TIAM1: variants seen among roughly 807,000 people sequenced by gnomAD.
TIAM1 encodes TIAM Rac1 associated GEF 1, also known as rho guanine nucleotide exchange factor TIAM1.
A neutral mutation model predicts 163.5 loss-of-function variants in TIAM1; 65 were observed. The observed-to-expected ratio is 0.40, with a 90% CI of 0.33 to 0.49. TIAM1 has a LOEUF of 0.49. Among genes scored for constraint, TIAM1 ranks in the 20% least tolerant of loss-of-function variants. The probability of loss-of-function intolerance (pLI) is 0.77; values close to 1 mark genes in which losing one functional copy is unlikely to be tolerated. For synonymous variants in TIAM1, 833 were observed against 810.1 expected, an observed-to-expected ratio of 1.03 and a Z score of -0.48; for missense variants, 1,789 against 2,044.7, an observed-to-expected ratio of 0.87 and a Z score of 2.41.
At chr21:31,414,685 G>A (rs887871326) in intron 2 of TIAM1, among the ~76,000 whole-genome samples, 1 of 152,204 alleles carries the variant, frequency 6.6e-6, no homozygotes, top group Admixed American at 6.5e-5. Flanking sequence ...ACAGGTGTCT[G>A]GGCAGTTGGA....
chr21:31,438,774 G>C (rs1246960772), intron 2 of TIAM1, among the ~76,000 whole-genome samples: 2 of 152,108 alleles, frequency 1.3e-5, no homozygotes, highest in African/African-American at 2.4e-5. Flanking sequence ...CACAGGGAAA[G>C]AGAGAAGTTC....
chr21:31,343,647 A>T (rs2076083766), intron 1 of TIAM1, among the ~76,000 whole-genome samples: 1 of 152,052 alleles, frequency 6.6e-6, no homozygotes, highest in Non-Finnish European at 1.5e-5. Flanking sequence ...GCTTCTGAAT[A>T]TTCCTTCGGA....
intron 1 of TIAM1, among the ~76,000 whole-genome samples, chr21:31,523,078 C>G (rs1389595084): frequency 1.3e-5 from 2 of 152,250 alleles, no homozygotes; most frequent in Non-Finnish European, 2.9e-5. Context: ...AGTAACTCCT[C>G]TGCAAAGCAA....
intron 2 of TIAM1, among the ~76,000 whole-genome samples, chr21:31,378,670 C>T (rs1408772518): frequency 6.6e-6 from 1 of 152,174 alleles, no homozygotes; most frequent in Non-Finnish European, 1.5e-5. Context: ...CACTCATACT[C>T]GCTGCCACAC....
chr21:31,200,274 T>C (rs140940060), intron 12 of TIAM1, among the ~76,000 whole-genome samples: 2,170 of 152,016 alleles, frequency 0.014, 54 homozygotes, highest in African/African-American at 0.048. Context: ...GAGGCAGAGG[T>C]TGCAGTGAGC....
chr21:31,486,463 G>A (rs13051866), intron 1 of TIAM1, among the ~76,000 whole-genome samples: 14,216 of 152,332 alleles, frequency 0.093, 909 homozygotes, highest in East Asian at 0.14. Flanking sequence ...GGGTGCGTCA[G>A]CACCTCCACC....
At chr21:31,461,090 G>A (rs1311180156) in intron 2 of TIAM1, among the ~76,000 whole-genome samples, 3 of 152,068 alleles carry the variant, frequency 2.0e-5, no homozygotes, top group East Asian at 1.9e-4. Flanking sequence ...GGGAACTCCC[G>A]ACCAAACACA....
intron 2 of TIAM1, among the ~76,000 whole-genome samples, chr21:31,373,456 A>G (rs996244422): frequency 1.3e-5 from 2 of 152,186 alleles, no homozygotes; most frequent in Non-Finnish European, 2.9e-5. Flanking sequence ...TGGTGGTGGC[A>G]AGAGAAAAAT....
chr21:31,411,020 G>T (rs2077349239), intron 2 of TIAM1, among the ~76,000 whole-genome samples: 1 of 152,134 alleles, frequency 6.6e-6, no homozygotes, highest in African/African-American at 2.4e-5. Context: ...GGGTGAGTGG[G>T]CTCCTGACAT....
At chr21:31,480,216 C>T (rs2046067894) in intron 1 of TIAM1, among the ~76,000 whole-genome samples, 1 of 152,208 alleles carries the variant, frequency 6.6e-6, no homozygotes, top group African/African-American at 2.4e-5. Context: ...CATTGGGTAG[C>T]TTAAGCTTTT....
At chr21:31,352,123 T>C (rs931837079) in intron 2 of TIAM1, among the ~76,000 whole-genome samples, 2 of 151,856 alleles carry the variant, frequency 1.3e-5, no homozygotes, top group African/African-American at 4.8e-5. Context: ...TCATTTTCAC[T>C]TGTCTGTGAA....
In TIAM1 at chr21:31,149,621, G is replaced by A. The variant is rs553045498; in HGVS notation, c.3367-2618C>T. 2.0e-4 allele frequency among the ~76,000 whole-genome samples: 31 copies of A among 152,216 alleles called. No individual in the cohort carries two copies. In the South Asian group the frequency reaches 6.2e-3, roughly 31 times the overall value. On this transcript the variant is annotated intron_variant, in intron 19 of 27. Coordinates refer to ENST00000541036, the MANE Select transcript of TIAM1 (RefSeq NM_001353694.2). Reference sequence around the variant, plus strand: ...GAACCAGCCCCACAGCAAAAGACTTGTAAATGAATATAATGAATGTTAGCT... The same window carrying A: ...GAACCAGCCCCACAGCAAAAGACTTATAAATGAATATAATGAATGTTAGCT...
intron 13 of TIAM1, 68 bp from the exon 14 acceptor site, chr21:31,187,155 T>C (rs2085342293): frequency 7.0e-7 from 1 of 1,430,920 alleles, no homozygotes; most frequent in Non-Finnish European, 9.8e-7. Flanking sequence ...CAACAGGAAG[T>C]GCCTGCTGTG....
At chr21:31,449,976 A>G (rs531028108) in intron 2 of TIAM1, among the ~76,000 whole-genome samples, 1 of 152,240 alleles carries the variant, frequency 6.6e-6, no homozygotes, top group Admixed American at 6.5e-5. Context: ...TCCTTTGGGC[A>G]GCCAGGCCGA....
At chr21:31,298,183 A>G (rs899000341) in intron 2 of TIAM1, among the ~76,000 whole-genome samples, 1 of 151,852 alleles carries the variant, frequency 6.6e-6, no homozygotes, top group African/African-American at 2.4e-5. Context: ...TGCCCACTTC[A>G]CTCCGCCACC....
At chr21:31,554,390 T>A (rs557865211) in intron 1 of TIAM1, among the ~76,000 whole-genome samples, 4 of 152,234 alleles carry the variant, frequency 2.6e-5, no homozygotes, top group Admixed American at 1.3e-4. Context: ...CCAAAGACAC[T>A]TCCCCCTCCC....
intron 20 of TIAM1, among the ~76,000 whole-genome samples, chr21:31,146,382 T>C (rs1268715690): frequency 2.6e-5 from 3 of 114,080 alleles, no homozygotes; most frequent in Non-Finnish European, 5.0e-5. Context: ...CCAGCCCAAG[T>C]GACAGAGCAA....
At chr21:31,308,042 A>G (rs1192591544) in intron 2 of TIAM1, among the ~76,000 whole-genome samples, 1 of 152,160 alleles carries the variant, frequency 6.6e-6, no homozygotes, top group East Asian at 1.9e-4. Context: ...AATCCCTGTC[A>G]GGGTTCAAGA....
chr21:31,264,420 C>T (rs2072646023), intron 4 of TIAM1, among the ~76,000 whole-genome samples: 1 of 152,192 alleles, frequency 6.6e-6, no homozygotes, highest in East Asian at 1.9e-4. Context: ...AACAAAGTTG[C>T]CCTTACTGGC....
Sources: allele counts gnomAD v4.1 joint callset (sites outside exome capture counted in the v4.1 genomes callset), GRCh38; gene constraint gnomAD v4.1.1; transcripts MANE v1.5; gene names NCBI Gene and HGNC (gene_info 2026-07-23, HGNC 2026-07-21).